Variants in ZNF233 observed in about 807,000 individuals in gnomAD.
ZNF233 encodes zinc finger protein 233.
A neutral mutation model predicts 11.6 loss-of-function variants in ZNF233; 7 were observed. The observed-to-expected ratio is 0.60, with a 90% CI of 0.34 to 1.13. The LOEUF is 1.13. Among genes scored for constraint, ZNF233 ranks in the 50% most tolerant of loss-of-function variants. The pLI is 0.03. For missense variants in ZNF233, 711 were observed against 785.5 expected, an observed-to-expected ratio of 0.91 and a Z score of 1.13; for synonymous variants, 226 against 268.5, an observed-to-expected ratio of 0.84 and a Z score of 1.55.
intron 4 of ZNF233, chr19:44,268,052 C>T (rs144297338): frequency 3.3e-5 from 5 of 152,072 alleles, no homozygotes; most frequent in African/African-American, 9.7e-5. Flanking sequence ...CACAGTGAGA[C>T]CGCACCTCTA....
At position 44,274,193 on chromosome 19, in the gene ZNF233, C is replaced by G; in HGVS notation, c.1533C>G (p.Asp511Glu). 1 of 1,612,172 alleles carries G rather than the reference C, an allele frequency of 6.2e-7. No homozygotes were observed. The highest frequency in any genetic ancestry group is 1.3e-5 in the African/African-American group (1 of 74,358). ...CAGGAGAGAAACCCTACAAATGTGA[C>G]ACATGTGGGAAGGACTTCAGTCAGA... The part of the protein sequence containing the change: ...VHTGEKPYKC[D>E]TCGKDFSQIS... Residue 511 changes from aspartate to glutamate, a missense_variant, in exon 5 of 5, where the codon GAC (aspartate) becomes GAG (glutamate). Asp to Glu is a conservative substitution (Grantham distance 45). Transcript: ENST00000683810.
At chr19:44,270,353 A>AC (rs1207081983) in intron 4 of ZNF233, among the ~76,000 whole-genome samples, 374 of 149,464 alleles carry the variant, frequency 2.5e-3, no homozygotes, top group African/African-American at 8.8e-3. Context: ...TACTAAAAAA[A>AC]AAAAAAAAAA....
rs1257589186 is a variant in ZNF233, at chr19:44,273,547, G to T, written c.887G>T (p.Gly296Val). The change falls in exon 5 of 5, where the codon GGT becomes GTT. Residue 296 changes from glycine to valine, a missense_variant. Gly to Val is a moderately radical substitution (Grantham distance 109, BLOSUM62 -3). Transcript: ENST00000683810. ...HVNVEYGKGI[G>V]YSSGLPRHQC... ...AATGTTGAGTACGGGAAGGGCATAG[G>T]TTACAGCTCAGGGCTTCCCAGGCAT... 2 of 1,614,208 alleles carry T rather than the reference G, an allele frequency of 1.2e-6. No individual in the cohort carries two copies. The highest frequency in any genetic ancestry group is 4.5e-5 in the East Asian group (2 of 44,876).
chr19:44,265,362 TATATACACACACACACACACAC>T (rs1377847880), intron 2 of ZNF233, among the ~76,000 whole-genome samples: 1 of 87,556 alleles, frequency 1.1e-5, no homozygotes, highest in Non-Finnish European at 2.7e-5. Context: ...CCATCATATA[TATATACACACACACACACACAC>T]ACACACACAC....
chr19:44,264,192 G>T, intron 1 of ZNF233, 122 bp from the exon 2 acceptor site: 1 of 681,386 alleles, frequency 1.5e-6, no homozygotes, highest in Non-Finnish European at 2.6e-6. Context: ...TGCCTGCCTC[G>T]GCCTCCCAAA....
intron 4 of ZNF233, among the ~76,000 whole-genome samples, chr19:44,272,452 AG>A (rs1482987348): frequency 3.3e-5 from 5 of 150,952 alleles, no homozygotes; most frequent in Non-Finnish European, 7.4e-5. Flanking sequence ...AACCAATGAT[AG>A]TCTGGGTGCG....
In ZNF233 at chr19:44,274,010, A is replaced by G. The variant is rs762969457; in HGVS notation, c.1350A>G (p.Lys450=). Reference sequence around the variant, plus strand: ...ACCAGAGAGTTCACACTGGAGAGAAACCATATAAATGTGAGGTATGTGATA... The same window carrying G: ...ACCAGAGAGTTCACACTGGAGAGAAGCCATATAAATGTGAGGTATGTGATA... The part of the protein sequence containing the change: ...GLHQRVHTGE[K]PYKCEVCDKG... Residue 450 remains lysine, a synonymous_variant, in exon 5 of 5, where the codon AAA becomes AAG. Coordinates refer to ENST00000683810, the MANE Select transcript of ZNF233 (RefSeq NM_001207005.2). The G allele has an allele frequency of 8.8e-6, 14 of 1,597,708 alleles. No individual in the cohort carries two copies. The highest frequency in any genetic ancestry group is 1.1e-5 in the Non-Finnish European group (13 of 1,179,362).
At position 44,273,785 on chromosome 19, in the gene ZNF233, T is replaced by A. The variant is rs765340938; in HGVS notation, c.1125T>A (p.Cys375Ter). Reference sequence around the variant, plus strand: ...AGAAGTTGTGTACATGTGGCAGGTGTGGGAAGGGCTTCCATCATAGCTTAG... The same window carrying A: ...AGAAGTTGTGTACATGTGGCAGGTGAGGGAAGGGCTTCCATCATAGCTTAG... ...PGEKLCTCGR[C>*]GKGFHHSLDF... The change falls in exon 5 of 5, where the codon TGT (cysteine) becomes TGA (stop). Residue 375 changes from cysteine (C) to a stop codon, truncating the protein, a stop_gained. Coordinates refer to ENST00000683810, the MANE Select transcript of ZNF233 (RefSeq NM_001207005.2). LOFTEE classifies it low-confidence loss of function (END_TRUNC). 2 of 1,614,152 alleles carry A rather than the reference T, an allele frequency of 1.2e-6. No individual in the cohort carries two copies. Among genetic ancestry groups the A allele is most frequent in the East Asian group, 4.5e-5 (2 of 44,878 alleles).
chr19:44,266,790 GA>G, intron 3 of ZNF233, 75 bp from the exon 4 acceptor site: 1 of 1,077,758 alleles, frequency 9.3e-7, no homozygotes, highest in Non-Finnish European at 1.4e-6. Flanking sequence ...TAGAGCGCAT[GA>G]AAATGGTGGT....
chr19:44,267,934 T>C (rs1392845381), intron 4 of ZNF233: 2 of 152,006 alleles, frequency 1.3e-5, no homozygotes, highest in Non-Finnish European at 2.9e-5. Flanking sequence ...CTGTTTAAAA[T>C]ACCTATCCTT....
Position 44,274,555 on chromosome 19 carries a change from C to T in ZNF233, c.1895C>T (p.Thr632Ile), listed in dbSNP as rs1198043031. The change falls in exon 5 of 5, where the codon ACT (threonine) becomes ATT (isoleucine). Residue 632 changes from threonine to isoleucine, a missense_variant. By Grantham distance (89) the Thr-to-Ile change is moderately conservative (BLOSUM62 -1). Transcript: ENST00000683810. ...ATGTGTGGTAAGAGCTTCAGTCAGA[C>T]TTCACATCTTCAAGCCCATCAGAGA... ...CGMCGKSFSQTSHLQAHQRVH... is the reference protein window; with the variant it reads ...CGMCGKSFSQISHLQAHQRVH... 1 of 1,612,434 alleles carries T rather than the reference C, an allele frequency of 6.2e-7. No homozygotes were observed. The highest frequency in any genetic ancestry group is 2.2e-5 in the East Asian group (1 of 44,764).
intron 4 of ZNF233, chr19:44,267,368 T>C (rs1975120317): frequency 7.7e-6 from 3 of 388,828 alleles, no homozygotes; most frequent in African/African-American, 7.0e-5. Flanking sequence ...TTTTTTTTTT[T>C]CTTTAAGACA....
intron 1 of ZNF233, among the ~76,000 whole-genome samples, chr19:44,263,999 A>G (rs1974999966): frequency 6.6e-6 from 1 of 152,216 alleles, no homozygotes; most frequent in Non-Finnish European, 1.5e-5. Context: ...GTTAGTAGCC[A>G]TGCCAGGATT....
intron 4 of ZNF233, chr19:44,267,171 C>T: frequency 2.3e-6 from 1 of 437,388 alleles, no homozygotes; most frequent in Non-Finnish European, 4.1e-6. Flanking sequence ...CGCTCCTTGG[C>T]TCAAAAGCCT....
intron 4 of ZNF233, among the ~76,000 whole-genome samples, chr19:44,271,400 T>C (rs184602213): frequency 6.9e-4 from 105 of 152,342 alleles, no homozygotes; most frequent in Non-Finnish European, 6.8e-4. Context: ...GTAACCATTT[T>C]TGGGCTTTAT....
intron 4 of ZNF233, among the ~76,000 whole-genome samples, chr19:44,269,664 T>G (rs1278625284): frequency 1.3e-5 from 2 of 152,182 alleles, no homozygotes; most frequent in Non-Finnish European, 2.9e-5. Flanking sequence ...CTGTACAAAT[T>G]GTAAATGTAT....
Position 44,272,934 on chromosome 19 carries a change from GAAGT to G in ZNF233, c.278_281del (p.Val93AspfsTer2). On this transcript the variant is annotated frameshift_variant, in exon 5 of 5. Transcript: ENST00000683810. LOFTEE classifies it low-confidence loss of function (END_TRUNC). ...TCAAAATGAGATAGATACCCTTCAA[GAAGT>G]AAGATTAAGATTCCTTTCATATGAA... 1 of 1,602,426 alleles carries G rather than the reference GAAGT, an allele frequency of 6.2e-7. No individual in the cohort carries two copies. The highest frequency in any genetic ancestry group is 8.5e-7 in the Non-Finnish European group (1 of 1,176,752).
chr19:44,264,684 A>G (rs1233440), intron 2 of ZNF233, among the ~76,000 whole-genome samples: 2,657 of 152,318 alleles, frequency 0.017, 60 homozygotes, highest in African/African-American at 0.053. Flanking sequence ...TTTTATATGT[A>G]TTTACATATT....
At chr19:44,270,804 G>A (rs1200740135) in intron 4 of ZNF233, among the ~76,000 whole-genome samples, 1 of 152,150 alleles carries the variant, frequency 6.6e-6, no homozygotes, top group Non-Finnish European at 1.5e-5. Context: ...TCAAAACATG[G>A]CAGCTAGTTT....
Sources: gnomAD v4.1 joint callset for allele counts (sites outside exome capture counted in the v4.1 genomes callset) on GRCh38, gnomAD v4.1.1 for gene constraint, MANE v1.5 for transcripts, NCBI Gene and HGNC (gene_info 2026-07-23, HGNC 2026-07-21) for gene names.